The following NHSL1 variants were observed in gnomAD, a reference collection of about 807,000 sequenced individuals.
NHSL1 encodes the protein NHS like 1.
In NHSL1, 48 loss-of-function variants were observed where a neutral mutation model predicts 95.0. That is an observed-to-expected ratio of 0.51 (90% CI 0.40 to 0.64). The LOEUF (loss-of-function observed/expected upper bound fraction) is 0.64. Ranked by LOEUF, NHSL1 falls within the 30% of genes least tolerant of loss-of-function variation. The pLI is 0.00. For missense variants in NHSL1, 1,971 were observed against 2,077.7 expected (o/e 0.95, Z 1.00); for synonymous variants, 783 against 833.9 (o/e 0.94, Z 1.05).
chr6:138,653,433 A>C (rs1353543671), intron 1 of NHSL1, among the ~76,000 whole-genome samples: 1 of 152,162 alleles, frequency 6.6e-6, no homozygotes, highest in Non-Finnish European at 1.5e-5. Flanking sequence ...ATGTGCCTGT[A>C]ATCCCAGATA....
intron 2 of NHSL1, among the ~76,000 whole-genome samples, chr6:138,493,809 G>T (rs1460339770): frequency 6.6e-6 from 1 of 152,172 alleles, no homozygotes; most frequent in African/African-American, 2.4e-5. Flanking sequence ...ACTTTGGTTG[G>T]ATTTAGGTAC....
At chr6:138,525,041 C>T (rs1448983623) in intron 1 of NHSL1, among the ~76,000 whole-genome samples, 1 of 152,086 alleles carries the variant, frequency 6.6e-6, no homozygotes, top group African/African-American at 2.4e-5. Flanking sequence ...ATGATGGAGA[C>T]AGAGCAGCTT....
At chr6:138,625,532 C>G (rs978167281) in intron 1 of NHSL1, among the ~76,000 whole-genome samples, 1 of 151,956 alleles carries the variant, frequency 6.6e-6, no homozygotes, top group Non-Finnish European at 1.5e-5. Flanking sequence ...ACTATCTCCC[C>G]TTCCTAGACA....
intron 1 of NHSL1, among the ~76,000 whole-genome samples, chr6:138,579,332 G>T (rs1449434675): frequency 6.6e-6 from 1 of 152,100 alleles, no homozygotes; most frequent in Non-Finnish European, 1.5e-5. Flanking sequence ...TTTTTATTTT[G>T]ATCTTAACAA....
intron 3 of NHSL1, among the ~76,000 whole-genome samples, chr6:138,448,709 A>C (rs10499199): frequency 0.12 from 17,732 of 152,304 alleles, 1,128 homozygotes; most frequent in Middle Eastern, 0.17. Context: ...TCTGGATTTA[A>C]GGCAAGTCTC....
chr6:138,432,057 G>A lies in NHSL1; in HGVS notation c.2288C>T (p.Thr763Met), dbSNP rs925777756. 1.3e-6 allele frequency: 2 copies of A among 1,551,710 alleles called. No homozygotes were observed. The highest frequency in any genetic ancestry group is 1.7e-6 in the Non-Finnish European group (2 of 1,146,982). ...TPNVYSLCGA[T>M]PSQSDTSSVK... The stretch of plus-strand genomic sequence containing the variant: ...GCTGCTTGTGTCACTCTGCGATGGC[G>A]TGGCCCCGCACAGGGAGTAGACATT... The change falls in exon 6 of 8, where the codon ACG becomes ATG. Residue 763 changes from threonine to methionine, a missense_variant. Physicochemically the swap from Thr to Met is moderately conservative, Grantham distance 81 (BLOSUM62 -1). Around this residue, in one of 3 missense-constraint regions of NHSL1, gnomAD observed 1,602 missense variants for 1,654.5 expected, o/e 0.97. Coordinates refer to ENST00000343505, the MANE Select transcript of NHSL1 (RefSeq NM_001144060.2). The surrounding 1 kb of genome is among the most constrained non-coding windows in gnomAD (Gnocchi z 4.4).
At chr6:138,628,063 A>T (rs904415981) in intron 1 of NHSL1, among the ~76,000 whole-genome samples, 2 of 152,022 alleles carry the variant, frequency 1.3e-5, no homozygotes, top group Non-Finnish European at 2.9e-5. Flanking sequence ...CTATAATCCC[A>T]GCACTTTGGG....
At chr6:138,592,718 G>A (rs1784249348) in intron 1 of NHSL1, among the ~76,000 whole-genome samples, 1 of 152,188 alleles carries the variant, frequency 6.6e-6, no homozygotes, top group Non-Finnish European at 1.5e-5. Flanking sequence ...GGAAAAAGGT[G>A]TGTGGATATA....
chr6:138,505,949 A>T (rs1376608800), intron 1 of NHSL1, among the ~76,000 whole-genome samples: 3 of 152,194 alleles, frequency 2.0e-5, no homozygotes, highest in Non-Finnish European at 4.4e-5. Flanking sequence ...TGACTAAGGT[A>T]ATTTAGATGT....
Position 138,536,602 on chromosome 6 carries a change from CTTTTT to C in NHSL1, c.16+9016_16+9020del, listed in dbSNP as rs563509738. Among the ~76,000 whole-genome samples, 795 of 79,974 alleles carry C rather than the reference CTTTTT, an allele frequency of 9.9e-3. 6 individuals are homozygous for C. Among genetic ancestry groups the C allele is most frequent in the Admixed American group, 0.034 (230 of 6,806 alleles). 52.5% of individuals were successfully genotyped at this position (79,974 alleles called of 152,430 possible). On this transcript the variant is annotated intron_variant, in intron 1 of 4. Transcript: ENST00000342260. ...GGTTTTGGAGAGGGACATATGTCAT[CTTTTT>C]TTTTTTTTTTTTTTTTTTTTTTTTC...
intron 2 of NHSL1, among the ~76,000 whole-genome samples, chr6:138,491,015 T>C (rs767710931): frequency 6.6e-6 from 1 of 152,212 alleles, no homozygotes; most frequent in Non-Finnish European, 1.5e-5. Flanking sequence ...TTTTTTCACA[T>C]TGTGTAATAA....
intron 1 of NHSL1, chr6:138,512,292 C>T (rs751981287): frequency 3.3e-5 from 15 of 455,634 alleles, no homozygotes; most frequent in South Asian, 4.7e-5. Flanking sequence ...CTGCACCCCA[C>T]GGGAAAGAGG....
At chr6:138,642,880 A>G (rs943848750) in intron 1 of NHSL1, among the ~76,000 whole-genome samples, 1 of 152,176 alleles carries the variant, frequency 6.6e-6, no homozygotes, top group East Asian at 1.9e-4. Flanking sequence ...TCAAAGAAAG[A>G]CACCATAATT....
intron 2 of NHSL1, among the ~76,000 whole-genome samples, chr6:138,479,661 G>T (rs1779297565): frequency 6.6e-6 from 1 of 152,192 alleles, no homozygotes; most frequent in Admixed American, 6.5e-5. Context: ...GTTGACTGCA[G>T]GTAGCTGAAA....
intron 3 of NHSL1, among the ~76,000 whole-genome samples, chr6:138,466,045 G>GGGA (rs1300240190): frequency 7.1e-6 from 1 of 139,898 alleles, no homozygotes; most frequent in Non-Finnish European, 1.5e-5. Flanking sequence ...CCTTTTTGGG[G>GGGA]GGGGGGCAGG....
At chr6:138,497,781 A>G (rs1458770187) in intron 1 of NHSL1, among the ~76,000 whole-genome samples, 2 of 152,194 alleles carry the variant, frequency 1.3e-5, no homozygotes, top group Non-Finnish European at 2.9e-5. Flanking sequence ...CTCATCTCAC[A>G]TACCATCTTT....
At chr6:138,529,430 G>A (rs1782045239) in intron 1 of NHSL1, among the ~76,000 whole-genome samples, 1 of 152,168 alleles carries the variant, frequency 6.6e-6, no homozygotes, top group East Asian at 1.9e-4. Context: ...TGTTGCCTCG[G>A]ATGAGAGCCA....
At chr6:138,540,093 C>T (rs949726968) in intron 1 of NHSL1, among the ~76,000 whole-genome samples, 1 of 152,194 alleles carries the variant, frequency 6.6e-6, no homozygotes, top group East Asian at 1.9e-4. Context: ...ATTAAAAGTG[C>T]TACTTTAAAT....
At position 138,636,059 on chromosome 6, in the gene NHSL1, G is replaced by A. The variant is rs1395171221; in HGVS notation, c.96+56417C>T. Among the ~76,000 whole-genome samples, 3 of 149,724 alleles carry A rather than the reference G, an allele frequency of 2.0e-5. No homozygotes were observed. In the East Asian group the frequency reaches 5.8e-4, roughly 29 times the overall value. On this transcript the variant is annotated intron_variant, in intron 1 of 3. Transcript: ENST00000491526. ...AATCACTTGAACCCAGGAGGCGAAG[G>A]TTGCAGTGAGCTGAGATAGTGCCAC...
Sources: gnomAD v4.1 joint callset for allele counts (sites outside exome capture counted in the v4.1 genomes callset) on GRCh38, gnomAD v4.1.1 for gene constraint, gnomAD v4.1.1 regional missense constraint, Gnocchi (gnomAD v3.1) non-coding constraint, MANE v1.5 for transcripts, NCBI Gene and HGNC (gene_info 2026-07-23, HGNC 2026-07-21) for gene names.